Variants in ITGBL1 observed in about 807,000 individuals in gnomAD.
ITGBL1 encodes the protein integrin subunit beta like 1.
ITGBL1 carries 51 observed loss-of-function variants against 68.5 expected under a neutral mutation model. That is an observed-to-expected ratio of 0.74 (90% CI 0.59 to 0.94). The LOEUF is 0.94. Among genes scored for constraint, ITGBL1 ranks in the 40% least tolerant of loss-of-function variants. ITGBL1 has a pLI of 0.00. For missense variants in ITGBL1, 649 were observed against 647.4 expected, an observed-to-expected ratio of 1.00 and a Z score of -0.03; for synonymous variants, 209 against 227.3, an observed-to-expected ratio of 0.92 and a Z score of 0.72.
chr13:101,613,814 A>G (rs1160113769), intron 7 of ITGBL1, among the ~76,000 whole-genome samples: 1 of 152,100 alleles, frequency 6.6e-6, no homozygotes, highest in Non-Finnish European at 1.5e-5. Context: ...CCGGGATTTT[A>G]AAAGCTCCCT....
intron 6 of ITGBL1, among the ~76,000 whole-genome samples, chr13:101,584,587 A>G (rs1169782587): frequency 6.6e-6 from 1 of 152,186 alleles, no homozygotes; most frequent in East Asian, 1.9e-4. Context: ...GCCTGCTGCT[A>G]AATCTTCCCA....
chr13:101,467,638 G>A (rs1311601086), intron 2 of ITGBL1, among the ~76,000 whole-genome samples: 7 of 152,110 alleles, frequency 4.6e-5, no homozygotes, highest in Admixed American at 4.6e-4. Context: ...AGAAGAATGA[G>A]GGCTTTATAA....
chr13:101,633,353 G>A (rs1371335883), intron 7 of ITGBL1, among the ~76,000 whole-genome samples: 4 of 152,146 alleles, frequency 2.6e-5, no homozygotes, highest in African/African-American at 9.7e-5. Flanking sequence ...ATATTGTTTT[G>A]TATCTTCTAA....
In ITGBL1 at chr13:101,670,169, C is replaced by CT. The variant is rs574151478; in HGVS notation, c.1016-22409dup. On this transcript the variant is annotated intron_variant, in intron 7 of 10. Transcript: ENST00000376180. ...AATGAGGCAATTTTGCATGCTTTTA[C>CT]TTTTTTTAAGAGCCACATATTACCC... is the stretch of plus-strand genomic sequence containing the variant. 4.9e-4 allele frequency among the ~76,000 whole-genome samples: 75 copies of CT among 152,236 alleles called. No homozygotes were observed. The South Asian group carries it at 0.015, about 29-fold the overall frequency.
intron 7 of ITGBL1, among the ~76,000 whole-genome samples, chr13:101,672,943 C>T (rs906109287): frequency 1.1e-4 from 16 of 152,158 alleles, no homozygotes; most frequent in African/African-American, 3.9e-4. Flanking sequence ...CAAAACCACC[C>T]TTTTCTAAAC....
intron 7 of ITGBL1, among the ~76,000 whole-genome samples, chr13:101,605,384 A>AT (rs2030719228): frequency 6.6e-6 from 1 of 150,640 alleles, no homozygotes; most frequent in South Asian, 2.1e-4. Flanking sequence ...ATATACACAT[A>AT]TATGGGCATG....
chr13:101,699,367 G>C (rs1432391837), intron 8 of ITGBL1, among the ~76,000 whole-genome samples: 1 of 152,110 alleles, frequency 6.6e-6, no homozygotes, highest in Non-Finnish European at 1.5e-5. Context: ...GTTTATCATT[G>C]TTATGGTTTG....
Position 101,454,088 on chromosome 13 carries a change from A to C in ITGBL1, c.304A>C (p.Ser102Arg). Residue 102 changes from serine to arginine, a missense_variant, in exon 2 of 11, where the codon AGC becomes CGC. Transcript: ENST00000376180. Reference protein sequence around the residue: ...HEWVCETYDGSTCAGHGKCDC... With the variant: ...HEWVCETYDGRTCAGHGKCDC... ...GTGGGTGTGCGAGACCTACGACGGGAGCACCTGTGCAGGTAAGAGGGCGGC... is the reference window on the plus strand; with the variant it reads ...GTGGGTGTGCGAGACCTACGACGGGCGCACCTGTGCAGGTAAGAGGGCGGC... The C allele has an allele frequency of 1.3e-6, 2 of 1,572,920 alleles. No homozygotes were observed. Among genetic ancestry groups the C allele is most frequent in the Non-Finnish European group, 1.7e-6 (2 of 1,159,158 alleles).
intron 7 of ITGBL1, among the ~76,000 whole-genome samples, chr13:101,605,850 G>C (rs1014304483): frequency 6.7e-6 from 1 of 149,874 alleles, no homozygotes; most frequent in Non-Finnish European, 1.5e-5. Flanking sequence ...ATATACATAT[G>C]TATGTGTGTA....
intron 7 of ITGBL1, among the ~76,000 whole-genome samples, chr13:101,636,866 T>C (rs549748132): frequency 6.6e-6 from 1 of 152,316 alleles, no homozygotes; most frequent in South Asian, 2.1e-4. Flanking sequence ...AAAGACTCAG[T>C]CTACTGCTTT....
chr13:101,666,255 ACT>A (rs1304928816), intron 7 of ITGBL1, among the ~76,000 whole-genome samples: 2 of 151,952 alleles, frequency 1.3e-5, no homozygotes, highest in Non-Finnish European at 2.9e-5. Context: ...AACCCTTTGT[ACT>A]CTCTGCTTCC....
chr13:101,694,126 G>A (rs541213258), intron 8 of ITGBL1, among the ~76,000 whole-genome samples: 3 of 152,212 alleles, frequency 2.0e-5, no homozygotes, highest in Admixed American at 6.5e-5. Flanking sequence ...TTCACAGATC[G>A]TTCCTTATGT....
intron 7 of ITGBL1, among the ~76,000 whole-genome samples, chr13:101,635,277 C>T (rs1312575051): frequency 1.3e-5 from 2 of 151,980 alleles, no homozygotes; most frequent in Non-Finnish European, 2.9e-5. Flanking sequence ...ATTTCCACCC[C>T]TGGCCTACCT....
At chr13:101,719,995 A>G (rs1439472875), downstream of ITGBL1, 1 of 152,166 alleles carries the variant, frequency 6.6e-6, no homozygotes, top group Non-Finnish European at 1.5e-5. Context: ...ACATTTCTCT[A>G]TATTGGTGAG....
intron 3 of ITGBL1, among the ~76,000 whole-genome samples, chr13:101,574,171 C>T (rs2050317058): frequency 6.6e-6 from 1 of 152,128 alleles, no homozygotes. Context: ...TGGATTAAAG[C>T]TGGAAATCTT....
intron 2 of ITGBL1, among the ~76,000 whole-genome samples, chr13:101,536,130 G>GT (rs1192363217): frequency 1.3e-5 from 2 of 151,750 alleles, no homozygotes; most frequent in Non-Finnish European, 2.9e-5. Context: ...GTATACATGA[G>GT]ATACCATCTC....
At chr13:101,509,069 C>A (rs1389801880) in intron 2 of ITGBL1, among the ~76,000 whole-genome samples, 1 of 152,048 alleles carries the variant, frequency 6.6e-6, no homozygotes, top group Non-Finnish European at 1.5e-5. Flanking sequence ...ATACCCAAGA[C>A]CGGGCAATTT....
intron 7 of ITGBL1, among the ~76,000 whole-genome samples, chr13:101,659,699 G>C (rs375992902): frequency 3.3e-5 from 5 of 152,270 alleles, no homozygotes; most frequent in South Asian, 4.1e-4. Context: ...CTGACCTCGT[G>C]ATCCACCCAC....
chr13:101,557,365 G>A (rs568048092), intron 2 of ITGBL1, among the ~76,000 whole-genome samples: 48 of 152,240 alleles, frequency 3.2e-4, no homozygotes, highest in Non-Finnish European at 1.2e-4. Context: ...ATACATATGT[G>A]AATACATAGA....
Sources: gnomAD v4.1 joint callset for allele counts (sites outside exome capture counted in the v4.1 genomes callset) on GRCh38, gnomAD v4.1.1 for gene constraint, MANE v1.5 for transcripts, NCBI Gene and HGNC (gene_info 2026-07-23, HGNC 2026-07-21) for gene names.